Variants in HIPK2 observed in about 807,000 individuals in gnomAD.
HIPK2 encodes the protein homeodomain-interacting protein kinase 2.
A neutral mutation model predicts 113.7 loss-of-function variants in HIPK2; 27 were observed. The observed-to-expected ratio is 0.24, with a 90% CI of 0.17 to 0.33. The LOEUF (loss-of-function observed/expected upper bound fraction) is 0.33, where lower values mean the gene tolerates loss of function less well. HIPK2 is among the 10% of genes least tolerant of loss of function. The pLI, the probability that HIPK2 is intolerant of heterozygous loss-of-function variation, is 1.00. For synonymous variants in HIPK2, 631 were observed against 642.2 expected (o/e 0.98, Z 0.26); for missense variants, 1,257 against 1,588.0 (o/e 0.79, Z 3.54).
chr7:139,748,973 C>G (rs1410093275), intron 1 of HIPK2, among the ~76,000 whole-genome samples: 3 of 152,206 alleles, frequency 2.0e-5, no homozygotes, highest in Non-Finnish European at 4.4e-5. Flanking sequence ...TTCCATGATA[C>G]ACCAAGTCAT....
At chr7:139,755,652 G>A (rs1796350362) in intron 1 of HIPK2, among the ~76,000 whole-genome samples, 1 of 152,208 alleles carries the variant, frequency 6.6e-6, no homozygotes, top group South Asian at 2.1e-4. Context: ...CCTTAAAGAT[G>A]CTCTGGTCCC....
At chr7:139,641,971 CTT>C (rs35704559) in intron 2 of HIPK2, among the ~76,000 whole-genome samples, 14,419 of 152,206 alleles carry the variant, frequency 0.095, 940 homozygotes, top group Non-Finnish European at 0.14. Context: ...CACTTTTTCT[CTT>C]GTCTCTACGG....
At chr7:139,715,886 G>A (rs112447961) in intron 2 of HIPK2, 46 bp downstream of exon 2, 2 of 1,580,402 alleles carry the variant, frequency 1.3e-6, no homozygotes, top group Non-Finnish European at 8.6e-7. Flanking sequence ...CTCTGTGAGT[G>A]CCACTGGGCA....
intron 2 of HIPK2, among the ~76,000 whole-genome samples, chr7:139,700,918 G>A (rs1794688521): frequency 6.6e-6 from 1 of 152,220 alleles, no homozygotes; most frequent in African/African-American, 2.4e-5. Flanking sequence ...GCCAAGCACT[G>A]AGAAGAAAGA....
At chr7:139,763,197 G>A (rs78635295) in intron 1 of HIPK2, among the ~76,000 whole-genome samples, 2,969 of 152,310 alleles carry the variant, frequency 0.019, 80 homozygotes, top group African/African-American at 0.067. Flanking sequence ...ACTGTGCTGT[G>A]ATCCATGCTG....
chr7:139,568,659 GC>G lies in HIPK2; in HGVS notation c.*4267del, dbSNP rs1798167032. 6.6e-6 allele frequency: 1 copy of G among 152,274 alleles called. No homozygotes were observed. The highest frequency in any genetic ancestry group is 2.1e-4 in the South Asian group (1 of 4,834). 9.4% of individuals were successfully genotyped at this position (152,274 alleles called of 1,614,324 possible). On this transcript the variant is annotated 3_prime_UTR_variant, in exon 15 of 15. Transcript: ENST00000406875. Reference sequence around the variant, plus strand: ...AGAGGATGCTCTAGATGATTCGTGGGCTAAGTAAGGACTAGGTTGGCATCCC... The same window carrying G: ...AGAGGATGCTCTAGATGATTCGTGGGTAAGTAAGGACTAGGTTGGCATCCC...
chr7:139,573,526 C>T (rs1230914468), intron 14 of HIPK2, 129 bp from the exon 15 acceptor site: 9 of 845,022 alleles, frequency 1.1e-5, no homozygotes, highest in Non-Finnish European at 1.5e-5. Flanking sequence ...AAGGGGCTTC[C>T]CTCTGTGTGT....
At chr7:139,599,293 C>T (rs1050192739) in intron 11 of HIPK2, among the ~76,000 whole-genome samples, 1 of 152,140 alleles carries the variant, frequency 6.6e-6, no homozygotes, top group African/African-American at 2.4e-5. Flanking sequence ...CAACATTTCT[C>T]CCTTTGAAGT....
intron 1 of HIPK2, among the ~76,000 whole-genome samples, chr7:139,730,278 GT>G (rs1199756728): frequency 2.6e-5 from 4 of 152,048 alleles, no homozygotes; most frequent in Admixed American, 2.0e-4. Flanking sequence ...AGAAATGTTT[GT>G]GGCACACAGA....
At chr7:139,672,336 C>A (rs545526348) in intron 2 of HIPK2, among the ~76,000 whole-genome samples, 1 of 152,204 alleles carries the variant, frequency 6.6e-6, no homozygotes, top group East Asian at 1.9e-4. Context: ...TAGCGAGGAC[C>A]AGTCAAGATG....
intron 1 of HIPK2, among the ~76,000 whole-genome samples, chr7:139,775,941 T>C (rs1569486928): frequency 6.6e-6 from 1 of 152,170 alleles, no homozygotes; most frequent in African/African-American, 2.4e-5. Flanking sequence ...CTGAATTCAA[T>C]GCCAAGTTCC....
chr7:139,700,876 T>C (rs1363698101), intron 2 of HIPK2, among the ~76,000 whole-genome samples: 1 of 152,216 alleles, frequency 6.6e-6, no homozygotes, highest in Non-Finnish European at 1.5e-5. Context: ...ATAGTAGGTA[T>C]TCAAAATCAC....
In HIPK2 at chr7:139,576,067, G is replaced by A. The variant is rs186707094; in HGVS notation, c.2966-779C>T. ...GATCCCTGCTTGGTCCCCACCATGG[G>A]TGACTATGAGTATCAGAGGAGACAG... On this transcript the variant is annotated intron_variant, in intron 13 of 14. Transcript: ENST00000406875. Among the ~76,000 whole-genome samples, 9 of 152,362 alleles carry A rather than the reference G, an allele frequency of 5.9e-5. No individual in the cohort carries two copies. The East Asian group carries it at 9.6e-4, about 16-fold the overall frequency.
rs114184008 is a variant in HIPK2 at position 139,658,601 on chromosome 7, T to C, written c.1104-26876A>G. ...ATTTTATAAACCAAATACCAGAAAT[T>C]TGGACAGAGAAGAGTCTTTGACAAT... On this transcript the variant is annotated intron_variant, in intron 2 of 14. Coordinates refer to ENST00000406875, the MANE Select transcript of HIPK2 (RefSeq NM_022740.5). Among the ~76,000 whole-genome samples the C allele has an allele frequency of 6.0e-3, 921 of 152,244 alleles. 4 individuals carry two copies. The highest frequency in any genetic ancestry group is 0.021 in the African/African-American group (862 of 41,530).
At chr7:139,648,358 T>C (rs1487405737) in intron 2 of HIPK2, among the ~76,000 whole-genome samples, 1 of 152,064 alleles carries the variant, frequency 6.6e-6, no homozygotes, top group Non-Finnish European at 1.5e-5. Context: ...TATATAGAGG[T>C]TGATAGACTT....
Position 139,720,787 on chromosome 7 carries a change from G to T in HIPK2, c.20-3772C>A, listed in dbSNP as rs528776856. ...TTTTTCAGTCTTTAAGTACCCGGAA[G>T]GGGGCGGTCAGAGAGAGCGACAGCA... On this transcript the variant is annotated intron_variant, in intron 1 of 14. Transcript: ENST00000406875. 9.2e-5 allele frequency among the ~76,000 whole-genome samples: 14 copies of T among 152,316 alleles called. No individual in the cohort carries two copies. The East Asian group carries it at 2.5e-3, about 27-fold the overall frequency.
rs1799531324 is a variant in HIPK2 at position 139,604,065 on chromosome 7, G to C, written c.2255+16C>G. 1 of 1,613,556 alleles carries C rather than the reference G, an allele frequency of 6.2e-7. No individual in the cohort carries two copies. Among genetic ancestry groups the C allele is most frequent in the Admixed American group, 1.7e-5 (1 of 59,992 alleles). ...CCCAGACACACCCACTCACCCTAGA[G>C]GGGTTTCCTGCTTACCTCCAGTCCG... On this transcript the variant is annotated intron_variant, in intron 10 of 14. Transcript: ENST00000406875.
chr7:139,749,578 A>C (rs1165426809), intron 1 of HIPK2, among the ~76,000 whole-genome samples: 2 of 152,204 alleles, frequency 1.3e-5, no homozygotes, highest in African/African-American at 4.8e-5. Flanking sequence ...GTTAACTAGC[A>C]TTTACTGGGC....
At chr7:139,696,037 A>G (rs1229345893) in intron 2 of HIPK2, among the ~76,000 whole-genome samples, 1 of 152,114 alleles carries the variant, frequency 6.6e-6, no homozygotes, top group Non-Finnish European at 1.5e-5. Flanking sequence ...ACTTCGGAGA[A>G]CTGGCCAGAG....
Sources: gnomAD v4.1 joint callset for allele counts (sites outside exome capture counted in the v4.1 genomes callset) on GRCh38, gnomAD v4.1.1 for gene constraint, MANE v1.5 for transcripts, NCBI Gene and HGNC (gene_info 2026-07-23, HGNC 2026-07-21) for gene names.